HECA: variants seen among roughly 807,000 people sequenced by gnomAD.
HECA encodes headcase protein homolog.
HECA carries 13 observed loss-of-function variants against 37.6 expected under a neutral mutation model. The observed-to-expected ratio is 0.35, with a 90% CI of 0.23 to 0.55. The LOEUF (loss-of-function observed/expected upper bound fraction) is 0.55. HECA is among the 20% of genes least tolerant of loss of function. The probability of loss-of-function intolerance (pLI) is 0.90; values close to 1 mark genes in which losing one functional copy is unlikely to be tolerated. For missense variants in HECA, 527 were observed against 701.9 expected (o/e 0.75, Z 2.82); for synonymous variants, 307 against 291.5 (o/e 1.05, Z -0.54).
chr6:139,153,142 T>C (rs1774671972), intron 1 of HECA: 1 of 152,220 alleles, frequency 6.6e-6, no homozygotes, highest in Admixed American at 6.5e-5. Flanking sequence ...GTTTCTGAGG[T>C]TTCTGAATGT....
intron 1 of HECA, among the ~76,000 whole-genome samples, chr6:139,156,129 T>C (rs1322451320): frequency 6.9e-6 from 1 of 143,920 alleles, no homozygotes; most frequent in Non-Finnish European, 1.5e-5. Context: ...CTAGAACTTC[T>C]GTAAGGATTT....
intron 1 of HECA, among the ~76,000 whole-genome samples, chr6:139,158,620 A>G (rs1380171917): frequency 2.7e-5 from 4 of 149,918 alleles, no homozygotes; most frequent in Admixed American, 1.3e-4. Flanking sequence ...GCAGTAAGCC[A>G]TGACCATGCC....
intron 1 of HECA, among the ~76,000 whole-genome samples, chr6:139,138,964 T>C (rs1338190692): frequency 1.3e-5 from 2 of 152,216 alleles, no homozygotes; most frequent in African/African-American, 4.8e-5. Flanking sequence ...GATACGTAGT[T>C]TCATTCTGGT....
At chr6:139,173,769 T>G (rs932788228) in intron 2 of HECA, among the ~76,000 whole-genome samples, 12 of 152,224 alleles carry the variant, frequency 7.9e-5, no homozygotes, top group Non-Finnish European at 1.8e-4. Flanking sequence ...GTTGTAACTT[T>G]TAAGAGCTCG....
In HECA at chr6:139,135,569, C is replaced by A; in HGVS notation, c.173C>A (p.Pro58Gln). The change falls in exon 1 of 4, where the codon CCG becomes CAG. Residue 58 changes from proline to glutamine, a missense_variant. This residue lies in a region of HECA where 172 missense variants were observed against 197.6 expected (regional missense o/e 0.87). Transcript: ENST00000367658. The part of the protein sequence containing the change: ...AGCGAAAAGA[P>Q]GAGGAAGAGG... ...TGCGGGGCGGCGGCGGCGGGCGCGC[C>A]GGGCGCCGGAGGCGCGGCGGGCGCC... 2.1e-6 allele frequency: 2 copies of A among 946,372 alleles called. No individual in the cohort carries two copies. The highest frequency in any genetic ancestry group is 2.5e-6 in the Non-Finnish European group (2 of 800,384). The allele number at this position is 946,372 out of a possible 1,614,324, so 58.6% of individuals were successfully genotyped here. A position where few individuals can be genotyped will look rare whatever the true frequency, so the allele number is the denominator to read the frequency against.
intron 1 of HECA, among the ~76,000 whole-genome samples, chr6:139,141,672 A>C (rs1774513803): frequency 6.6e-6 from 1 of 152,140 alleles, no homozygotes; most frequent in Non-Finnish European, 1.5e-5. Flanking sequence ...AGAGAAGGTG[A>C]AAGGGATGAA....
rs545737296 is a variant in HECA, at chr6:139,147,308, A to AT, written c.271+11642dup. On this transcript the variant is annotated intron_variant, in intron 1 of 3. Coordinates refer to ENST00000367658, the MANE Select transcript of HECA (RefSeq NM_016217.3). ...AACACCAATATGGTTTTTATACTGAATAAGGACATTTACATTACTTTTAAA... is the reference window on the plus strand; with the variant it reads ...AACACCAATATGGTTTTTATACTGAATTAAGGACATTTACATTACTTTTAAA... 3.3e-5 allele frequency among the ~76,000 whole-genome samples: 5 copies of AT among 152,344 alleles called. No individual in the cohort carries two copies. In the South Asian group the frequency reaches 8.3e-4, roughly 25 times the overall value.
At chr6:139,135,806 G>A in intron 1 of HECA, 139 bp downstream of exon 1, 1 of 261,460 alleles carries the variant, frequency 3.8e-6, no homozygotes. Flanking sequence ...GCCCCGCCGC[G>A]GCTGCCCCTT....
chr6:139,174,435 C>T lies in HECA; in HGVS notation c.1363C>T (p.His455Tyr). 6.2e-7 allele frequency: 1 copy of T among 1,613,880 alleles called. No individual in the cohort carries two copies. Among genetic ancestry groups the T allele is most frequent in the Non-Finnish European group, 8.5e-7 (1 of 1,179,970 alleles). ...AVCVDCLEGV[H>Y]KIICIKCKSR... The stretch of plus-strand genomic sequence containing the variant: ...GTGCGTGGACTGCCTGGAAGGGGTT[C>T]ACAAGATCATCTGCATCAAGTGTAA... Residue 455 changes from histidine (H) to tyrosine (Y), a missense_variant, in exon 3 of 4, where the codon CAC (histidine) becomes TAC (tyrosine). Physicochemically the swap from His to Tyr is moderately conservative, Grantham distance 83. Coordinates refer to ENST00000367658, the MANE Select transcript of HECA (RefSeq NM_016217.3).
chr6:139,172,143 A>G (rs1582949916), intron 2 of HECA, among the ~76,000 whole-genome samples: 1 of 151,910 alleles, frequency 6.6e-6, no homozygotes, highest in South Asian at 2.1e-4. Flanking sequence ...AAACTTTTTT[A>G]AGAGATGGGG....
chr6:139,157,155 A>T (rs1346808204), intron 1 of HECA, among the ~76,000 whole-genome samples: 1 of 152,202 alleles, frequency 6.6e-6, no homozygotes, highest in Non-Finnish European at 1.5e-5. Flanking sequence ...TAACTTCCTG[A>T]CGTTGCCATG....
At position 139,166,838 on chromosome 6, in the gene HECA, G is replaced by A. The variant is rs767495347; in HGVS notation, c.826G>A (p.Gly276Ser). ...CTCCCCGGGCCAGTCCCCACCCACG[G>A]GCTACTCCATCCTCTCTCCTGCCCA... ...GGSPGQSPPTGYSILSPAHFS... is the reference protein window; with the variant it reads ...GGSPGQSPPTSYSILSPAHFS... Residue 276 changes from glycine (G) to serine (S), a missense_variant, in exon 2 of 4, where the codon GGC becomes AGC. Gly to Ser is a moderately conservative substitution (Grantham distance 56). Coordinates refer to ENST00000367658, the MANE Select transcript of HECA (RefSeq NM_016217.3). 5 of 1,613,774 alleles carry A rather than the reference G, an allele frequency of 3.1e-6. No homozygotes were observed. Among genetic ancestry groups the A allele is most frequent in the Non-Finnish European group, 4.2e-6 (5 of 1,179,966 alleles).
intron 1 of HECA, among the ~76,000 whole-genome samples, chr6:139,153,652 C>T (rs1774679194): frequency 6.6e-6 from 1 of 152,090 alleles, no homozygotes; most frequent in African/African-American, 2.4e-5. Context: ...CTCCTGACCT[C>T]AGGTGATCCT....
Position 139,176,933 on chromosome 6 carries a change from TC to T in HECA, c.1468-3del. On this transcript the variant is annotated splice_region_variant and splice_polypyrimidine_tract_variant and intron_variant, in intron 3 of 3. Coordinates refer to ENST00000367658, the MANE Select transcript of HECA (RefSeq NM_016217.3). The surrounding 1 kb of genome is among the most constrained non-coding windows in gnomAD (Gnocchi z 4.5). ...GGTGTTGTGGCTGATGGTGTCTGTTTCCCCCAGGCCCGCCTGAACTGTAAGC... is the reference window on the plus strand; with the variant it reads ...GGTGTTGTGGCTGATGGTGTCTGTTTCCCCAGGCCCGCCTGAACTGTAAGC... 1 of 867,016 alleles carries T rather than the reference TC, an allele frequency of 1.2e-6. No homozygotes were observed. Among genetic ancestry groups the T allele is most frequent in the Non-Finnish European group, 2.0e-6 (1 of 497,286 alleles). 53.7% of individuals were successfully genotyped at this position (867,016 alleles called of 1,614,324 possible). A position where few individuals can be genotyped will look rare whatever the true frequency, so the allele number is the denominator to read the frequency against.
chr6:139,155,358 T>A (rs1194561817), intron 1 of HECA, among the ~76,000 whole-genome samples: 1 of 152,138 alleles, frequency 6.6e-6, no homozygotes, highest in Non-Finnish European at 1.5e-5. Flanking sequence ...AGTGAGTGAA[T>A]CTGAAGGCCT....
In HECA at chr6:139,166,623, A is replaced by C; in HGVS notation, c.611A>C (p.Lys204Thr). The C allele has an allele frequency of 1.2e-6, 2 of 1,614,236 alleles. No homozygotes were observed. Among genetic ancestry groups the C allele is most frequent in the Middle Eastern group, 1.6e-4 (1 of 6,062 alleles). Residue 204 changes from lysine to threonine, a missense_variant, in exon 2 of 4, where the codon AAG becomes ACG. Coordinates refer to ENST00000367658, the MANE Select transcript of HECA (RefSeq NM_016217.3). Reference sequence around the variant, plus strand: ...CGGATGCAGGACGAGAAAAAGAAGAAGTCTGGCTCCGAGAAGAACACAGGG... The same window carrying C: ...CGGATGCAGGACGAGAAAAAGAAGACGTCTGGCTCCGAGAAGAACACAGGG... ...VKRMQDEKKK[K>T]SGSEKNTGRP...
rs138642640 is a variant in HECA, at chr6:139,177,476, A to C, written c.*371A>C. On this transcript the variant is annotated 3_prime_UTR_variant, in exon 4 of 4. Transcript: ENST00000367658. This position sits in a 1 kb window ranked among gnomAD's most constrained non-coding sequence, Gnocchi z 4.9. ...CTCTTACTAAAATGTTAACTTTCTA[A>C]AAACCTTCTTTTAGATCTTCCTTGG... is the stretch of plus-strand genomic sequence containing the variant. 2.4e-3 allele frequency: 386 copies of C among 162,074 alleles called. 1 individual carries two copies. The highest frequency in any genetic ancestry group is 9.0e-3 in the African/African-American group (376 of 41,844). 10.0% of individuals were successfully genotyped at this position (162,074 alleles called of 1,614,324 possible).
intron 1 of HECA, among the ~76,000 whole-genome samples, chr6:139,145,362 A>G (rs186034343): frequency 4.3e-4 from 65 of 152,348 alleles, no homozygotes; most frequent in Admixed American, 1.0e-3. Flanking sequence ...CTTTTGCTAA[A>G]TTGTACAGAT....
rs532159870 is a variant in HECA, at chr6:139,135,477, C to T, written c.81C>T (p.Ala27=). 8.8e-6 allele frequency: 11 copies of T among 1,248,886 alleles called. No individual in the cohort carries two copies. The highest frequency in any genetic ancestry group is 4.8e-5 in the African/African-American group (3 of 62,948). The allele number at this position is 1,248,886 out of a possible 1,614,324, so 77.4% of individuals were successfully genotyped here. A position where few individuals can be genotyped will look rare whatever the true frequency, so the allele number is the denominator to read the frequency against. The change falls in exon 1 of 4, where the codon GCC becomes GCT. Residue 27 remains alanine (A), a synonymous_variant. Transcript: ENST00000367658. ...NSSGDEQENG[A]GALAAAGAAG... ...GCGGCGACGAGCAGGAAAATGGAGC[C>T]GGGGCCCTGGCAGCGGCGGGCGCGG...
Sources: gnomAD v4.1 joint callset for allele counts (sites outside exome capture counted in the v4.1 genomes callset) on GRCh38, gnomAD v4.1.1 for gene constraint, gnomAD v4.1.1 regional missense constraint, Gnocchi (gnomAD v3.1) non-coding constraint, MANE v1.5 for transcripts, NCBI Gene and HGNC (gene_info 2026-07-23, HGNC 2026-07-21) for gene names.